GALNT1: variants seen among roughly 807,000 people sequenced by gnomAD.
GALNT1 encodes GalNAc transferase 1.
In GALNT1, 17 loss-of-function variants were observed where a neutral mutation model predicts 65.7. That is an observed-to-expected ratio of 0.26 (90% CI 0.18 to 0.39). The LOEUF (loss-of-function observed/expected upper bound fraction) is 0.39, where lower values mean the gene tolerates loss of function less well. Among genes scored for constraint, GALNT1 ranks in the 10% least tolerant of loss-of-function variants. GALNT1 has a pLI of 1.00. For missense variants in GALNT1, 460 were observed against 672.8 expected (o/e 0.68, Z 3.50); for synonymous variants, 210 against 219.7 (o/e 0.96, Z 0.39).
chr18:35,684,704 T>C (rs1190960432), intron 5 of GALNT1, among the ~76,000 whole-genome samples: 1 of 152,164 alleles, frequency 6.6e-6, no homozygotes, highest in African/African-American at 2.4e-5. Flanking sequence ...AAATGCATCA[T>C]TGAGTTGGCA....
chr18:35,686,801 T>C (rs2047874435), intron 5 of GALNT1, among the ~76,000 whole-genome samples: 2 of 152,162 alleles, frequency 1.3e-5, no homozygotes, highest in South Asian at 4.1e-4. Context: ...TCCCAGCTAC[T>C]CAGGAAGCTG....
chr18:35,680,453 T>C (rs1229784244), intron 4 of GALNT1, among the ~76,000 whole-genome samples: 2 of 152,214 alleles, frequency 1.3e-5, no homozygotes, highest in African/African-American at 4.8e-5. Context: ...CTGTATACTT[T>C]GTCAGGTCTA....
At chr18:35,618,403 G>T (rs533253986) in intron 1 of GALNT1, among the ~76,000 whole-genome samples, 1 of 152,192 alleles carries the variant, frequency 6.6e-6, no homozygotes, top group South Asian at 2.1e-4. Context: ...ACTGCTCATG[G>T]ATGAACTTAA....
chr18:35,709,925 T>G lies in GALNT1; in HGVS notation c.*155T>G, dbSNP rs2048328462. 1 of 818,930 alleles carries G rather than the reference T, an allele frequency of 1.2e-6. No homozygotes were observed. Among genetic ancestry groups the G allele is most frequent in the Non-Finnish European group, 1.9e-6 (1 of 537,278 alleles). 50.7% of individuals were successfully genotyped at this position (818,930 alleles called of 1,614,324 possible). On this transcript the variant is annotated 3_prime_UTR_variant, in exon 12 of 12. Transcript: ENST00000269195. ...CCATTAAAACTTAGACTTCTCTAGCTTTTCACTAGCTGTGAACCAGCCTTC... is the reference window on the plus strand; with the variant it reads ...CCATTAAAACTTAGACTTCTCTAGCGTTTCACTAGCTGTGAACCAGCCTTC...
intron 1 of GALNT1, among the ~76,000 whole-genome samples, chr18:35,582,078 C>G (rs1022857174): frequency 6.6e-6 from 1 of 152,084 alleles, no homozygotes; most frequent in African/African-American, 2.4e-5. Flanking sequence ...TGGCGAGCAG[C>G]GAGTTTCCGT....
Position 35,605,948 on chromosome 18 carries a change from G to A in GALNT1, c.-104+24086G>A, listed in dbSNP as rs190703542. Among the ~76,000 whole-genome samples, 162 of 152,234 alleles carry A rather than the reference G, an allele frequency of 1.1e-3. 1 individual carries two copies. Among genetic ancestry groups the A allele is most frequent in the African/African-American group, 3.2e-3 (132 of 41,542 alleles). Reference sequence around the variant, plus strand: ...ACTAGTCTTTGTATTAGCAGTTCTGGCGAAACAATTATGAATATTTAGGCA... The same window carrying A: ...ACTAGTCTTTGTATTAGCAGTTCTGACGAAACAATTATGAATATTTAGGCA... On this transcript the variant is annotated intron_variant, in intron 1 of 11. Transcript: ENST00000269195.
chr18:35,595,219 A>G (rs960105419), intron 1 of GALNT1, among the ~76,000 whole-genome samples: 1 of 152,198 alleles, frequency 6.6e-6, no homozygotes, highest in African/African-American at 2.4e-5. Context: ...ATATTTAATA[A>G]CAAGATAATT....
chr18:35,621,317 T>C (rs1217816151), intron 1 of GALNT1, among the ~76,000 whole-genome samples: 1 of 129,338 alleles, frequency 7.7e-6, no homozygotes, highest in Non-Finnish European at 1.6e-5. Context: ...TAGCTGGGAC[T>C]ACAGATGCGT....
chr18:35,662,785 T>C (rs938416552), intron 2 of GALNT1, among the ~76,000 whole-genome samples: 3 of 152,236 alleles, frequency 2.0e-5, no homozygotes, highest in Admixed American at 6.5e-5. Context: ...CCAAATTTAA[T>C]ATATCCCAGA....
At chr18:35,617,947 A>G (rs780693663) in intron 1 of GALNT1, among the ~76,000 whole-genome samples, 3 of 152,044 alleles carry the variant, frequency 2.0e-5, no homozygotes, top group Non-Finnish European at 4.4e-5. Context: ...TCTTTTCGAT[A>G]ACTCTTCAGA....
At chr18:35,588,045 G>A (rs2143842688) in intron 1 of GALNT1, among the ~76,000 whole-genome samples, 1 of 152,228 alleles carries the variant, frequency 6.6e-6, no homozygotes, top group East Asian at 1.9e-4. Context: ...ATTGAGGTTT[G>A]TTTTACAGCC....
intron 8 of GALNT1, 118 bp from the exon 9 acceptor site, chr18:35,692,063 C>G: frequency 1.3e-6 from 1 of 795,214 alleles, no homozygotes; most frequent in Non-Finnish European, 2.0e-6. Flanking sequence ...CTTGTATAGT[C>G]ACATATCACC....
intron 1 of GALNT1, among the ~76,000 whole-genome samples, chr18:35,605,444 G>C (rs1165573783): frequency 6.6e-6 from 1 of 150,580 alleles, no homozygotes; most frequent in Admixed American, 6.6e-5. Context: ...GTTGCCGTGA[G>C]CCAAGATTGT....
Position 35,689,367 on chromosome 18 carries a change from C to T in GALNT1, c.978+77C>T, listed in dbSNP as rs2047919778. The T allele has an allele frequency of 8.4e-6, 7 of 829,748 alleles. No homozygotes were observed. In the Admixed American group the frequency reaches 1.8e-4, roughly 21 times the overall value. The allele number at this position is 829,748 out of a possible 1,614,324, so 51.4% of individuals were successfully genotyped here. A position where few individuals can be genotyped will look rare whatever the true frequency, so the allele number is the denominator to read the frequency against. ...TGCATTGATTATTCATGTATCTCTA[C>T]ATAAAAAATAAAAATTGAATTTAAT... is the stretch of plus-strand genomic sequence containing the variant. On this transcript the variant is annotated intron_variant, in intron 7 of 11. Coordinates refer to ENST00000269195, the MANE Select transcript of GALNT1 (RefSeq NM_020474.4).
At chr18:35,635,525 G>T (rs769550791) in intron 1 of GALNT1, among the ~76,000 whole-genome samples, 3 of 152,158 alleles carry the variant, frequency 2.0e-5, no homozygotes, top group African/African-American at 2.4e-5. Context: ...GGTCATTGCC[G>T]TGACTCCAGG....
Position 35,687,175 on chromosome 18 carries a change from T to C in GALNT1, c.849T>C (p.Thr283=), listed in dbSNP as rs768305352. Reference sequence around the variant, plus strand: ...TGGACAGAAGGAAAGGTGATCGGACTCTTCCTGTCAGGTAATTAATTTGTC... The same window carrying C: ...TGGACAGAAGGAAAGGTGATCGGACCCTTCCTGTCAGGTAATTAATTTGTC... ...REMDRRKGDR[T]LPVRTPTMAG... Residue 283 remains threonine, a synonymous_variant, in exon 6 of 12, where the codon ACT becomes ACC. Transcript: ENST00000269195. 5 of 1,612,058 alleles carry C rather than the reference T, an allele frequency of 3.1e-6. No individual in the cohort carries two copies. The highest frequency in any genetic ancestry group is 4.2e-6 in the Non-Finnish European group (5 of 1,179,206).
At chr18:35,674,997 AAAAAAAAAAAAAAG>A (rs1230550230) in intron 3 of GALNT1, among the ~76,000 whole-genome samples, 1 of 151,234 alleles carries the variant, frequency 6.6e-6, no homozygotes, top group African/African-American at 2.4e-5. Flanking sequence ...AAAAAAAAAA[AAAAAAAAAAAAAAG>A]CTCGTTTTCA....
At chr18:35,672,655 C>T (rs1418768689) in intron 3 of GALNT1, among the ~76,000 whole-genome samples, 2 of 151,888 alleles carry the variant, frequency 1.3e-5, no homozygotes. Flanking sequence ...GGAAGAATGA[C>T]ATTATTACAC....
intron 3 of GALNT1, among the ~76,000 whole-genome samples, chr18:35,668,142 T>C (rs954161944): frequency 1.3e-5 from 2 of 151,706 alleles, no homozygotes; most frequent in African/African-American, 2.4e-5. Context: ...TCTTAAGAAA[T>C]TAGAAAAGGA....
Sources: gnomAD v4.1 joint callset for allele counts (sites outside exome capture counted in the v4.1 genomes callset) on GRCh38, gnomAD v4.1.1 for gene constraint, MANE v1.5 for transcripts, NCBI Gene and HGNC (gene_info 2026-07-23, HGNC 2026-07-21) for gene names.